The following FAT3 variants were observed in gnomAD, a reference collection of about 807,000 sequenced individuals.
FAT3 encodes the protein FAT atypical cadherin 3.
FAT3 carries 95 observed loss-of-function variants against 310.2 expected under a neutral mutation model. The observed-to-expected ratio is 0.31, with a 90% CI of 0.26 to 0.36. FAT3 has a LOEUF of 0.36. Ranked by LOEUF, FAT3 falls within the 10% of genes least tolerant of loss-of-function variation. The pLI, the probability that FAT3 is intolerant of heterozygous loss-of-function variation, is 1.00. For synonymous variants in FAT3, 2,314 were observed against 2,192.9 expected (o/e 1.06, Z -1.54); for missense variants, 5,408 against 5,715.6 (o/e 0.95, Z 1.74).
chr11:92,880,870 G>C lies in FAT3; in HGVS notation c.12267G>C (p.Gly4089=), dbSNP rs928456752. The change falls in exon 23 of 28, where the codon GGG becomes GGC. Residue 4089 remains glycine (G), a synonymous_variant. Transcript: ENST00000525166. The part of the protein sequence containing the change: ...GNTFICNCKA[G]LTGVTCEEDI... ...CTTTCATCTGCAATTGTAAAGCTGG[G>C]CTCACTGGAGTCACGTAAGTGAGAT... The C allele has an allele frequency of 5.6e-6, 9 of 1,613,778 alleles. No individual in the cohort carries two copies. The highest frequency in any genetic ancestry group is 7.6e-6 in the Non-Finnish European group (9 of 1,179,774).
At chr11:92,603,419 T>C (rs1414454950) in intron 3 of FAT3, among the ~76,000 whole-genome samples, 4 of 152,224 alleles carry the variant, frequency 2.6e-5, no homozygotes, top group African/African-American at 4.8e-5. Flanking sequence ...AATTGCTTGA[T>C]TATTTCAATA....
intron 1 of FAT3, among the ~76,000 whole-genome samples, chr11:92,232,558 T>G (rs1464072279): frequency 6.6e-6 from 1 of 151,874 alleles, no homozygotes; most frequent in Non-Finnish European, 1.5e-5. Context: ...AAGCTCATAA[T>G]GTCTTGGATC....
chr11:92,856,975 T>G (rs1948995511), intron 19 of FAT3, among the ~76,000 whole-genome samples: 1 of 152,208 alleles, frequency 6.6e-6, no homozygotes, highest in Admixed American at 6.5e-5. Context: ...TTGTACCTAA[T>G]CTGCACCAGT....
chr11:92,489,073 G>T (rs953560831), intron 2 of FAT3, among the ~76,000 whole-genome samples: 1 of 152,160 alleles, frequency 6.6e-6, no homozygotes, highest in African/African-American at 2.4e-5. Context: ...AATGGTGTTG[G>T]TGGTGGTTGC....
At chr11:92,563,969 C>A (rs1955334851) in intron 3 of FAT3, among the ~76,000 whole-genome samples, 1 of 151,824 alleles carries the variant, frequency 6.6e-6, no homozygotes, top group Non-Finnish European at 1.5e-5. Flanking sequence ...TAGGAAGAAA[C>A]TGCATCAACT....
chr11:92,782,408 A>G (rs1404781496), intron 7 of FAT3, among the ~76,000 whole-genome samples: 1 of 151,906 alleles, frequency 6.6e-6, no homozygotes, highest in Non-Finnish European at 1.5e-5. Flanking sequence ...CCAGCCCAGT[A>G]TTTACAAAAA....
intron 14 of FAT3, 95 bp from the exon 15 acceptor site, chr11:92,834,775 G>A (rs1384517680): frequency 9.1e-7 from 1 of 1,098,494 alleles, no homozygotes; most frequent in Non-Finnish European, 1.3e-6. Context: ...TAAATTCTTG[G>A]CTGGAGAGGA....
At chr11:92,227,410 G>T (rs1863966665) in intron 1 of FAT3, among the ~76,000 whole-genome samples, 1 of 152,156 alleles carries the variant, frequency 6.6e-6, no homozygotes, top group African/African-American at 2.4e-5. Context: ...CAGAGAAGCG[G>T]CCAGAAAGAC....
chr11:92,546,267 G>T (rs188255582), intron 3 of FAT3, among the ~76,000 whole-genome samples: 1 of 152,174 alleles, frequency 6.6e-6, no homozygotes, highest in African/African-American at 2.4e-5. Flanking sequence ...TTAAGGGAAC[G>T]TAAAGGATTT....
At chr11:92,660,345 G>A (rs369518636) in intron 3 of FAT3, among the ~76,000 whole-genome samples, 1 of 152,040 alleles carries the variant, frequency 6.6e-6, no homozygotes, top group Admixed American at 6.6e-5. Flanking sequence ...TGACACTAGC[G>A]TCCCAACAGA....
chr11:92,434,050 T>C (rs1482538536), intron 2 of FAT3, among the ~76,000 whole-genome samples: 1 of 148,130 alleles, frequency 6.8e-6, no homozygotes, highest in African/African-American at 2.5e-5. Flanking sequence ...TCACTGTGGA[T>C]TGAGAGGGTT....
chr11:92,695,098 C>T (rs1378332247), intron 3 of FAT3, among the ~76,000 whole-genome samples: 1 of 152,166 alleles, frequency 6.6e-6, no homozygotes, highest in African/African-American at 2.4e-5. Flanking sequence ...ACCCCACACC[C>T]ACACCCACTG....
intron 2 of FAT3, among the ~76,000 whole-genome samples, chr11:92,431,902 C>T (rs949842099): frequency 6.6e-6 from 1 of 152,086 alleles, no homozygotes; most frequent in Non-Finnish European, 1.5e-5. Flanking sequence ...GTTACTGTGG[C>T]CTTGTAGTAT....
chr11:92,887,242 C>G, intron 25 of FAT3, 129 bp downstream of exon 25: 2 of 760,010 alleles, frequency 2.6e-6, no homozygotes. Context: ...AGCGTGTTCA[C>G]CAGGTCCCTG....
At chr11:92,677,017 CATGGATGATGGTAA>C (rs1467839103) in intron 3 of FAT3, among the ~76,000 whole-genome samples, 4 of 152,140 alleles carry the variant, frequency 2.6e-5, no homozygotes, top group African/African-American at 9.7e-5. Flanking sequence ...GTTGAAATGT[CATGGATGATGGTAA>C]ATGGATGAGC....
intron 4 of FAT3, among the ~76,000 whole-genome samples, chr11:92,723,104 T>G (rs188790218): frequency 6.6e-6 from 1 of 152,222 alleles, no homozygotes; most frequent in South Asian, 2.1e-4. Flanking sequence ...TTCTTTTCTA[T>G]TGCATTGTCA....
At chr11:92,770,667 GA>G (rs1480293947) in intron 6 of FAT3, among the ~76,000 whole-genome samples, 5 of 152,098 alleles carry the variant, frequency 3.3e-5, no homozygotes, top group African/African-American at 1.2e-4. Context: ...ATGTGGAGTG[GA>G]AAAGAATCAT....
intron 4 of FAT3, among the ~76,000 whole-genome samples, chr11:92,756,220 T>A (rs1945986622): frequency 6.6e-6 from 1 of 152,240 alleles, no homozygotes; most frequent in East Asian, 1.9e-4. Flanking sequence ...CTATATATGC[T>A]ATCGTTTTTC....
At chr11:92,487,297 A>C (rs1326554934) in intron 2 of FAT3, among the ~76,000 whole-genome samples, 1 of 152,202 alleles carries the variant, frequency 6.6e-6, no homozygotes, top group African/African-American at 2.4e-5. Flanking sequence ...TTCTAGCAGC[A>C]CAGGAAATAA....
Sources: allele counts gnomAD v4.1 joint callset (sites outside exome capture counted in the v4.1 genomes callset), GRCh38; gene constraint gnomAD v4.1.1; transcripts MANE v1.5; gene names NCBI Gene and HGNC (gene_info 2026-07-23, HGNC 2026-07-21).